GCM1: variants seen among roughly 807,000 people sequenced by gnomAD.
The protein encoded by GCM1 is GCM transcription factor 1.
GCM1 carries 2 observed loss-of-function variants against 25.7 expected under a neutral mutation model. The observed-to-expected ratio is 0.08, with a 90% CI of 0.03 to 0.24. GCM1 has a LOEUF of 0.24. Ranked by LOEUF, GCM1 falls within the 10% of genes least tolerant of loss-of-function variation. GCM1 has a pLI of 1.00. For missense variants in GCM1, 395 were observed against 538.7 expected (o/e 0.73, Z 2.64); for synonymous variants, 183 against 195.7 (o/e 0.94, Z 0.54).
At chr6:53,136,852 A>G (rs887930562) in intron 2 of GCM1, among the ~76,000 whole-genome samples, 3 of 152,142 alleles carry the variant, frequency 2.0e-5, no homozygotes, top group Non-Finnish European at 2.9e-5. Flanking sequence ...GGCGGGCACC[A>G]GTAATCCTTG....
At chr6:53,145,476 A>G in intron 2 of GCM1, 82 bp downstream of exon 2, 1 of 811,576 alleles carries the variant, frequency 1.2e-6, no homozygotes, top group Non-Finnish European at 2.2e-6. Context: ...ATCCTCACCA[A>G]TTTCCTTCCA....
At chr6:53,140,530 CAAAAAAA>C (rs10629921) in intron 2 of GCM1, among the ~76,000 whole-genome samples, 24 of 128,558 alleles carry the variant, frequency 1.9e-4, no homozygotes, top group African/African-American at 6.2e-4. Context: ...TTCTCTCTAC[CAAAAAAA>C]AAAAAAAAAA....
chr6:53,138,463 C>A (rs541913599), intron 2 of GCM1, among the ~76,000 whole-genome samples: 11 of 152,144 alleles, frequency 7.2e-5, no homozygotes, highest in Non-Finnish European at 1.2e-4. Flanking sequence ...AAACCCAGAT[C>A]TCAATAATGC....
At chr6:53,148,719 C>T (rs1010560023) in intron 1 of GCM1, 35 bp downstream of exon 1, 2 of 152,344 alleles carry the variant, frequency 1.3e-5, no homozygotes, top group African/African-American at 4.8e-5. Flanking sequence ...ACATCCCTTA[C>T]ATTTGCCTCT....
rs1201385368 is a variant in GCM1 at position 53,131,995 on chromosome 6, C to A, written c.441+12G>T. 4.5e-6 allele frequency: 7 copies of A among 1,539,608 alleles called. No homozygotes were observed. Among genetic ancestry groups the A allele is most frequent in the African/African-American group, 2.7e-5 (2 of 73,468 alleles). ...TAATGAAACTCTCACGTAACTAACTCAAAAATCCAACCTGGAAAAATATAA... is the reference window on the plus strand; with the variant it reads ...TAATGAAACTCTCACGTAACTAACTAAAAAATCCAACCTGGAAAAATATAA... On this transcript the variant is annotated intron_variant, in intron 4 of 5. Coordinates refer to ENST00000259803, the MANE Select transcript of GCM1 (RefSeq NM_003643.4).
intron 2 of GCM1, 79 bp from the exon 3 acceptor site, chr6:53,134,403 G>T: frequency 7.2e-7 from 1 of 1,390,840 alleles, no homozygotes; most frequent in Non-Finnish European, 1.0e-6. Context: ...GAGTAGATAG[G>T]AAGGATGTTT....
chr6:53,146,163 C>T (rs563704374), intron 1 of GCM1, among the ~76,000 whole-genome samples: 5 of 148,706 alleles, frequency 3.4e-5, no homozygotes, highest in African/African-American at 1.2e-4. Context: ...GAACATCACA[C>T]TGAATTTATC....
In GCM1 at chr6:53,130,944, A is replaced by G. The variant is rs766996426; in HGVS notation, c.442-13T>C. The G allele has an allele frequency of 3.4e-5, 54 of 1,610,172 alleles. 1 individual carries two copies. In the South Asian group the frequency reaches 5.9e-4, roughly 18 times the overall value. On this transcript the variant is annotated splice_polypyrimidine_tract_variant and intron_variant, in intron 4 of 5. Coordinates refer to ENST00000259803, the MANE Select transcript of GCM1 (RefSeq NM_003643.4). ...GCTCTCCCTTTGACTTAAATGAGAC[A>G]AGGAAGTAGAAAGGAAATGATATAA...
chr6:53,145,458 C>T (rs899537627), intron 2 of GCM1, 100 bp downstream of exon 2: 7 of 767,146 alleles, frequency 9.1e-6, no homozygotes, highest in African/African-American at 1.7e-5. Context: ...GGAATTTACC[C>T]AGCTGGAATC....
Position 53,127,975 on chromosome 6 carries a change from G to A in GCM1, c.*231C>T, listed in dbSNP as rs534931989. The A allele has an allele frequency of 9.2e-5, 28 of 304,528 alleles. No homozygotes were observed. In the East Asian group the frequency reaches 1.3e-3, roughly 14 times the overall value. The allele number at this position is 304,528 out of a possible 1,614,324, so 18.9% of individuals were successfully genotyped here. A position where few individuals can be genotyped will look rare whatever the true frequency, so the allele number is the denominator to read the frequency against. On this transcript the variant is annotated 3_prime_UTR_variant, in exon 6 of 6. Coordinates refer to ENST00000259803, the MANE Select transcript of GCM1 (RefSeq NM_003643.4). The stretch of plus-strand genomic sequence containing the variant: ...ACCCGGGAGGCAGAGGTTGCAGTGA[G>A]CCGAGATGGCGCCACTGCATTCCTG...
At chr6:53,137,711 G>C (rs2816341) in intron 2 of GCM1, among the ~76,000 whole-genome samples, 1 of 152,048 alleles carries the variant, frequency 6.6e-6, no homozygotes, top group African/African-American at 2.4e-5. Flanking sequence ...AATTATTCCA[G>C]TATAAAACAC....
At chr6:53,134,393 G>A (rs1223963523) in intron 2 of GCM1, 69 bp from the exon 3 acceptor site, 3 of 1,428,278 alleles carry the variant, frequency 2.1e-6, no homozygotes, top group African/African-American at 1.4e-5. Flanking sequence ...ACTGTGGAGT[G>A]AGTAGATAGG....
At chr6:53,129,072 A>G in intron 5 of GCM1, 126 bp from the exon 6 acceptor site, 1 of 720,158 alleles carries the variant, frequency 1.4e-6, no homozygotes, top group Non-Finnish European at 2.3e-6. Flanking sequence ...TTACACATTA[A>G]TACTTGACGC....
intron 2 of GCM1, among the ~76,000 whole-genome samples, chr6:53,141,367 A>T (rs1479675172): frequency 6.6e-6 from 1 of 152,198 alleles, no homozygotes; most frequent in Non-Finnish European, 1.5e-5. Flanking sequence ...AGACCAGAAG[A>T]TGCAACTGGT....
chr6:53,145,438 C>T, intron 2 of GCM1, 120 bp downstream of exon 2: 1 of 732,782 alleles, frequency 1.4e-6, no homozygotes, highest in Non-Finnish European at 2.5e-6. Context: ...AGCTGAAACT[C>T]TAGGGGAGAG....
At chr6:53,143,328 T>C (rs1014800590) in intron 2 of GCM1, among the ~76,000 whole-genome samples, 11 of 152,200 alleles carry the variant, frequency 7.2e-5, no homozygotes, top group African/African-American at 2.7e-4. Context: ...ACATGAACTT[T>C]TATGAGCCTC....
intron 2 of GCM1, among the ~76,000 whole-genome samples, chr6:53,140,429 A>G (rs1157831063): frequency 6.7e-6 from 1 of 150,204 alleles, no homozygotes; most frequent in Non-Finnish European, 1.5e-5. Flanking sequence ...AGACAAAGGA[A>G]GTTTGGCTGG....
At chr6:53,133,246 C>A (rs1763750346) in intron 3 of GCM1, among the ~76,000 whole-genome samples, 1 of 152,144 alleles carries the variant, frequency 6.6e-6, no homozygotes, top group African/African-American at 2.4e-5. Context: ...CCCACTGCAA[C>A]CTCCACCTTC....
intron 5 of GCM1, among the ~76,000 whole-genome samples, chr6:53,130,284 A>G (rs544525578): frequency 6.6e-6 from 1 of 152,344 alleles, no homozygotes; most frequent in South Asian, 2.1e-4. Context: ...CCCATAAAGC[A>G]GTGGACTTCA....
Sources: gnomAD v4.1 joint callset for allele counts (sites outside exome capture counted in the v4.1 genomes callset) on GRCh38, gnomAD v4.1.1 for gene constraint, MANE v1.5 for transcripts, NCBI Gene and HGNC (gene_info 2026-07-23, HGNC 2026-07-21) for gene names.